NDUFV1: variants seen among roughly 807,000 people sequenced by gnomAD.
NDUFV1 encodes the protein NADH dehydrogenase [ubiquinone] flavoprotein 1, mitochondrial.
In NDUFV1, 41 loss-of-function variants were observed where a neutral mutation model predicts 48.7. The ratio of observed to expected loss-of-function variants is 0.84; its 90% confidence interval spans 0.66 to 1.09. NDUFV1 has a LOEUF of 1.09. Ranked by LOEUF, NDUFV1 falls within the 50% of genes least tolerant of loss-of-function variation. The pLI is 0.00. For synonymous variants in NDUFV1, 231 were observed against 259.1 expected (o/e 0.89, Z 1.04); for missense variants, 580 against 645.4 (o/e 0.90, Z 1.10).
Position 67,612,453 on chromosome 11 carries a change from T to A in NDUFV1, c.1390T>A (p.Ser464Thr). The change falls in exon 10 of 10, where the codon TCT (serine) becomes ACT (threonine). Residue 464 changes from serine (S) to threonine (T), a missense_variant. Transcript: ENST00000322776. The surrounding 1 kb of genome is among the most constrained non-coding windows in gnomAD (Gnocchi z 4.4). ...AQQHQARQAA[S>T] Reference sequence around the variant, plus strand: ...GCAGCATCAGGCCCGGCAGGCTGCCTCTTAGCCCACCACCCTGGCCTGCTG... The same window carrying A: ...GCAGCATCAGGCCCGGCAGGCTGCCACTTAGCCCACCACCCTGGCCTGCTG... 1 of 1,611,574 alleles carries A rather than the reference T, an allele frequency of 6.2e-7. No homozygotes were observed. Among genetic ancestry groups the A allele is most frequent in the South Asian group, 1.1e-5 (1 of 90,908 alleles).
In NDUFV1 at chr11:67,608,399, G is replaced by A. The variant is rs367804279; in HGVS notation, c.76G>A (p.Ala26Thr). ...VSVRFSGDTT[A>T]PKKTSFGSLK... ...TCCTGACCCTTTGTCTCCCTAGACA[G>A]CACCCAAGAAAACCTCATTTGGCTC... The change falls in exon 2 of 10, where the codon GCA becomes ACA. Residue 26 changes from alanine (A) to threonine (T), a missense_variant. Coordinates refer to ENST00000322776, the MANE Select transcript of NDUFV1 (RefSeq NM_007103.4). 2.1e-5 allele frequency: 34 copies of A among 1,613,948 alleles called. No homozygotes were observed. In the African/African-American group the frequency reaches 4.0e-4, roughly 19 times the overall value.
rs947406124 is a variant in NDUFV1, at chr11:67,606,944, A to C, written c.-61A>C. 5.8e-6 allele frequency: 9 copies of C among 1,557,662 alleles called. No individual in the cohort carries two copies. In the Admixed American group the frequency reaches 1.7e-4, roughly 29 times the overall value. On this transcript the variant is annotated 5_prime_UTR_variant, in exon 1 of 10. Transcript: ENST00000322776. ...CGCCACCTAGCGTCTCTATCGCGCC[A>C]GTTCCTCAGCCTCAGTGCTATGAAG...
Position 67,607,523 on chromosome 11 carries a change from T to C in NDUFV1, c.72+447T>C, listed in dbSNP as rs550409465. 1.0e-3 allele frequency: 467 copies of C among 460,322 alleles called. 7 individuals are homozygous for C. The highest frequency in any genetic ancestry group is 7.0e-3 in the South Asian group (455 of 64,540). 28.5% of individuals were successfully genotyped at this position (460,322 alleles called of 1,614,324 possible). A position where few individuals can be genotyped will look rare whatever the true frequency, so the allele number is the denominator to read the frequency against. On this transcript the variant is annotated intron_variant, in intron 1 of 9. Coordinates refer to ENST00000322776, the MANE Select transcript of NDUFV1 (RefSeq NM_007103.4). Reference sequence around the variant, plus strand: ...TGCGCTCTCCACTGGGTCGTGGGGCTCCTCATTTCATCCTAAGTGAGCCCC... The same window carrying C: ...TGCGCTCTCCACTGGGTCGTGGGGCCCCTCATTTCATCCTAAGTGAGCCCC...
rs3183631 is a variant in NDUFV1, at chr11:67,612,465, A to G, written c.*7A>G. 9.7e-5 allele frequency: 156 copies of G among 1,609,574 alleles called. No individual in the cohort carries two copies. The highest frequency in any genetic ancestry group is 1.2e-4 in the Non-Finnish European group (147 of 1,178,902). ...CCGGCAGGCTGCCTCTTAGCCCACC[A>G]CCCTGGCCTGCTGTCCTGCGTCTAT... On this transcript the variant is annotated 3_prime_UTR_variant, in exon 10 of 10. Transcript: ENST00000322776. This position sits in a 1 kb window ranked among gnomAD's most constrained non-coding sequence, Gnocchi z 4.4.
At position 67,611,356 on chromosome 11, in the gene NDUFV1, C is replaced by T. The variant is rs781628038; in HGVS notation, c.914-47C>T. ...CTCAGGACTAGGCAGGTGTGCCGGC[C>T]CCAGCCCTGACCATGCATCCCTTTG... On this transcript the variant is annotated intron_variant, in intron 6 of 9. Transcript: ENST00000322776. The surrounding 1 kb of genome is among the most constrained non-coding windows in gnomAD (Gnocchi z 4.2). 1.2e-6 allele frequency: 2 copies of T among 1,608,288 alleles called. No individual in the cohort carries two copies. Among genetic ancestry groups the T allele is most frequent in the South Asian group, 2.2e-5 (2 of 90,502 alleles).
rs1303505195 is a variant in NDUFV1, at chr11:67,612,098, T to TGTG, written c.1163-22_1163-21insGTG. On this transcript the variant is annotated intron_variant, in intron 8 of 9. Transcript: ENST00000322776. The surrounding 1 kb of genome is among the most constrained non-coding windows in gnomAD (Gnocchi z 4.4). ...CCTGGCTGGGGAGATCATCAGGCCC[T>TGTG]CTCTTGTGGCTGTGGCTGCAGGTGT... 6.2e-7 allele frequency: 1 copy of TGTG among 1,613,318 alleles called. No individual in the cohort carries two copies. Among genetic ancestry groups the TGTG allele is most frequent in the East Asian group, 2.2e-5 (1 of 44,796 alleles).
Position 67,611,187 on chromosome 11 carries a change from A to T in NDUFV1, c.893A>T (p.Glu298Val). ...GAGGAGATGTCTGTGCCCTTGAAAG[A>T]ACTGATTGAGAAGCATGCTGGTAAG... is the stretch of plus-strand genomic sequence containing the variant. ...VEEEMSVPLKELIEKHAGGVT... is the reference protein window; with the variant it reads ...VEEEMSVPLKVLIEKHAGGVT... The change falls in exon 6 of 10, where the codon GAA (glutamate) becomes GTA (valine). Residue 298 changes from glutamate (E) to valine (V), a missense_variant. By Grantham distance (121) the Glu-to-Val change is moderately radical (BLOSUM62 -2). Coordinates refer to ENST00000322776, the MANE Select transcript of NDUFV1 (RefSeq NM_007103.4). The surrounding 1 kb of genome is among the most constrained non-coding windows in gnomAD (Gnocchi z 4.2). The T allele has an allele frequency of 6.2e-7, 1 of 1,614,056 alleles. No homozygotes were observed. Among genetic ancestry groups the T allele is most frequent in the South Asian group, 1.1e-5 (1 of 91,080 alleles).
chr11:67,610,786 C>T, intron 5 of NDUFV1: 3 of 783,078 alleles, frequency 3.8e-6, no homozygotes, highest in Non-Finnish European at 6.2e-6. Flanking sequence ...TGTGGCTCCA[C>T]CTTCACAGTG....
chr11:67,611,455 G>A lies in NDUFV1; in HGVS notation c.966G>A (p.Ser322=), dbSNP rs748790523. 5.3e-5 allele frequency: 85 copies of A among 1,614,006 alleles called. 1 individual carries two copies. In the South Asian group the frequency reaches 6.6e-4, roughly 13 times the overall value. ...TCCTTGCTGTGATCCCTGGCGGCTC[G>A]TCTACCCCACTGATCCCCAAGTCTG... The part of the protein sequence containing the change: ...DNLLAVIPGG[S]STPLIPKSVC... The change falls in exon 7 of 10, where the codon TCG becomes TCA. Residue 322 remains serine (S), a synonymous_variant. Transcript: ENST00000322776. This position sits in a 1 kb window ranked among gnomAD's most constrained non-coding sequence, Gnocchi z 4.2.
chr11:67,607,203 G>T (rs1854822680), intron 1 of NDUFV1, 127 bp downstream of exon 1: 11 of 1,092,038 alleles, frequency 1.0e-5, no homozygotes, highest in Non-Finnish European at 1.5e-5. Context: ...CAGGCGGGAA[G>T]GCCCCCGCTC....
chr11:67,612,213 T>G lies in NDUFV1; in HGVS notation c.1256T>G (p.Ile419Arg), dbSNP rs768923260. ...IDSLWEISKQ[I>R]EGHTICALGD... is the part of the protein sequence containing the mutation. ...TCCCTGTGGGAGATCAGCAAGCAGA[T>G]AGAAGGCCATACGATTTGTGCTCTG... is the stretch of plus-strand genomic sequence containing the variant. Residue 419 changes from isoleucine to arginine, a missense_variant, in exon 9 of 10, where the codon ATA (isoleucine) becomes AGA (arginine). Coordinates refer to ENST00000322776, the MANE Select transcript of NDUFV1 (RefSeq NM_007103.4). The surrounding 1 kb of genome is among the most constrained non-coding windows in gnomAD (Gnocchi z 4.4). The G allele has an allele frequency of 6.2e-7, 1 of 1,613,524 alleles. No homozygotes were observed. Among genetic ancestry groups the G allele is most frequent in the Non-Finnish European group, 8.5e-7 (1 of 1,179,906 alleles).
rs192791762 is a variant in NDUFV1, at chr11:67,608,367, C to G, written c.73-29C>G. 41 of 1,598,806 alleles carry G rather than the reference C, an allele frequency of 2.6e-5. No homozygotes were observed. The South Asian group carries it at 3.2e-4, about 12-fold the overall frequency. The stretch of plus-strand genomic sequence containing the variant: ...CAATCCCTCATGGCCCCAGAGCACT[C>G]TGGGCCTCCTGACCCTTTGTCTCCC... On this transcript the variant is annotated intron_variant, in intron 1 of 9. Transcript: ENST00000322776.
In NDUFV1 at chr11:67,608,104, G is replaced by C; in HGVS notation, c.73-292G>C. Reference sequence around the variant, plus strand: ...TACCCGGGCGTGGTGGTGAGTGCCTGTAATCCCAGCTATCCAGAGGCTGAG... The same window carrying C: ...TACCCGGGCGTGGTGGTGAGTGCCTCTAATCCCAGCTATCCAGAGGCTGAG... On this transcript the variant is annotated intron_variant, in intron 1 of 9. Transcript: ENST00000322776. The C allele has an allele frequency of 8.6e-6, 4 of 463,694 alleles. No homozygotes were observed. In the East Asian group the frequency reaches 1.7e-4, roughly 20 times the overall value. 28.7% of individuals were successfully genotyped at this position (463,694 alleles called of 1,614,324 possible).
At chr11:67,608,969 G>A (rs1174284620) in intron 3 of NDUFV1, among the ~76,000 whole-genome samples, 1 of 152,232 alleles carries the variant, frequency 6.6e-6, no homozygotes, top group Non-Finnish European at 1.5e-5. Flanking sequence ...CCTAATCATA[G>A]AGGTTTGGGC....
Position 67,611,773 on chromosome 11 carries a change from G to A in NDUFV1, c.1081-124G>A. ...CACAGGGGGCCCAGGGAGGCTGGAG[G>A]AGGCCAGAACGCTGGGTGGGCTGGG... is the stretch of plus-strand genomic sequence containing the variant. On this transcript the variant is annotated intron_variant, in intron 7 of 9. Coordinates refer to ENST00000322776, the MANE Select transcript of NDUFV1 (RefSeq NM_007103.4). This position sits in a 1 kb window ranked among gnomAD's most constrained non-coding sequence, Gnocchi z 4.2. 1 of 1,427,448 alleles carries A rather than the reference G, an allele frequency of 7.0e-7. No homozygotes were observed. Among genetic ancestry groups the A allele is most frequent in the Non-Finnish European group, 9.7e-7 (1 of 1,030,108 alleles). The allele number at this position is 1,427,448 out of a possible 1,614,324, so 88.4% of individuals were successfully genotyped here.
chr11:67,609,983 A>G (rs747178551), intron 4 of NDUFV1: 3 of 356,134 alleles, frequency 8.4e-6, no homozygotes, highest in Non-Finnish European at 1.0e-5. Flanking sequence ...CATTATGTTC[A>G]TTGCTTGGAA....
intron 1 of NDUFV1, 41 bp downstream of exon 1, chr11:67,607,117 G>A: frequency 1.9e-6 from 3 of 1,577,660 alleles, no homozygotes; most frequent in Admixed American, 1.8e-5. Context: ...GTTTGGGGCC[G>A]GGTGTCGCGG....
rs763806568 is a variant in NDUFV1, at chr11:67,611,119, A to G, written c.825A>G (p.Leu275=). Residue 275 remains leucine (L), a synonymous_variant, in exon 6 of 10, where the codon CTA becomes CTG. Coordinates refer to ENST00000322776, the MANE Select transcript of NDUFV1 (RefSeq NM_007103.4). This position sits in a 1 kb window ranked among gnomAD's most constrained non-coding sequence, Gnocchi z 4.2. ...GAGAACGCAACTCAGGCACCAAACT[A>G]TTCAACATCTCTGGCCATGTCAACC... The part of the protein sequence containing the change: ...FGRERNSGTK[L]FNISGHVNHP... The G allele has an allele frequency of 6.2e-7, 1 of 1,614,136 alleles. No homozygotes were observed. The highest frequency in any genetic ancestry group is 8.5e-7 in the Non-Finnish European group (1 of 1,180,056).
rs1854941506 is a variant in NDUFV1, at chr11:67,612,477, T to TGTCCTGCG, written c.*20_*27dup. The TGTCCTGCG allele has an allele frequency of 6.2e-7, 1 of 1,607,742 alleles. No individual in the cohort carries two copies. Among genetic ancestry groups the TGTCCTGCG allele is most frequent in the South Asian group, 1.1e-5 (1 of 90,392 alleles). ...CTCTTAGCCCACCACCCTGGCCTGCTGTCCTGCGTCTATCCATGTGGAATG... is the reference window on the plus strand; with the variant it reads ...CTCTTAGCCCACCACCCTGGCCTGCTGTCCTGCGGTCCTGCGTCTATCCATGTGGAATG... On this transcript the variant is annotated 3_prime_UTR_variant, in exon 10 of 10. Transcript: ENST00000322776. The surrounding 1 kb of genome is among the most constrained non-coding windows in gnomAD (Gnocchi z 4.4).
Sources: gnomAD v4.1 joint callset for allele counts (sites outside exome capture counted in the v4.1 genomes callset) on GRCh38, gnomAD v4.1.1 for gene constraint, Gnocchi (gnomAD v3.1) non-coding constraint, MANE v1.5 for transcripts, NCBI Gene and HGNC (gene_info 2026-07-23, HGNC 2026-07-21) for gene names.